Variants in PTPRD observed in about 807,000 individuals in gnomAD.
The protein encoded by PTPRD is protein tyrosine phosphatase receptor type D.
A neutral mutation model predicts 214.5 loss-of-function variants in PTPRD; 34 were observed. The observed-to-expected ratio is 0.16, with a 90% CI of 0.12 to 0.21. The LOEUF (loss-of-function observed/expected upper bound fraction) is 0.21. Ranked by LOEUF, PTPRD falls within the 10% of genes least tolerant of loss-of-function variation. PTPRD has a pLI of 1.00. For synonymous variants in PTPRD, 1,128 were observed against 845.7 expected (o/e 1.33, Z -5.79); for missense variants, 2,545 against 2,398.7 (o/e 1.06, Z -1.27).
At chr9:10,252,002 A>G (rs565626828) in intron 3 of PTPRD, among the ~76,000 whole-genome samples, 1 of 152,318 alleles carries the variant, frequency 6.6e-6, no homozygotes, top group East Asian at 1.9e-4. Context: ...ACCACAAAAA[A>G]TAGTAAGTGT....
intron 8 of PTPRD, among the ~76,000 whole-genome samples, chr9:9,436,169 C>A (rs1167195352): frequency 6.6e-6 from 1 of 152,146 alleles, no homozygotes; most frequent in Non-Finnish European, 1.5e-5. Flanking sequence ...TTCTTCTATT[C>A]TTTGGGTGAA....
At chr9:10,196,865 G>A (rs1268175404) in intron 3 of PTPRD, among the ~76,000 whole-genome samples, 2 of 152,036 alleles carry the variant, frequency 1.3e-5, no homozygotes, top group Non-Finnish European at 1.5e-5. Context: ...ACTATGAATA[G>A]GACTAGTGTT....
intron 39 of PTPRD, among the ~76,000 whole-genome samples, chr9:8,370,930 C>T (rs902439026): frequency 1.3e-5 from 2 of 152,236 alleles, no homozygotes; most frequent in South Asian, 2.1e-4. Context: ...ACTAAAATTA[C>T]TCCTTGTAAA....
intron 3 of PTPRD, among the ~76,000 whole-genome samples, chr9:10,174,432 GC>G (rs1342672126): frequency 3.3e-5 from 5 of 152,080 alleles, no homozygotes; most frequent in Admixed American, 3.3e-4. Flanking sequence ...GGAAAATGAG[GC>G]CCTCAACAGA....
chr9:8,979,608 T>A (rs1202370490), intron 11 of PTPRD, among the ~76,000 whole-genome samples: 1 of 152,066 alleles, frequency 6.6e-6, no homozygotes, highest in Non-Finnish European at 1.5e-5. Context: ...AAAGGAGACA[T>A]AAAACTGGCC....
Position 10,031,647 on chromosome 9 carries a change from T to TATATACACACACACAC in PTPRD, c.-472+2070_-472+2071insGTGTGTGTGTGTATAT. On this transcript the variant is annotated intron_variant, in intron 4 of 45. Transcript: ENST00000381196. ...CTCCATATATATATATATATATATATACACACACACACACACACATACACA... is the reference window on the plus strand; with the variant it reads ...CTCCATATATATATATATATATATATATATACACACACACACACACACACACACACACACATACACA... Among the ~76,000 whole-genome samples, 383 of 89,602 alleles carry TATATACACACACACAC rather than the reference T, an allele frequency of 4.3e-3. 17 individuals are homozygous for TATATACACACACACAC. The highest frequency in any genetic ancestry group is 0.028 in the African/African-American group (348 of 12,362). 58.8% of individuals were successfully genotyped at this position (89,602 alleles called of 152,430 possible). A position where few individuals can be genotyped will look rare whatever the true frequency, so the allele number is the denominator to read the frequency against.
rs112288735 is a variant in PTPRD, at chr9:8,704,636, G to T, written c.64+29144C>A. ...AAACAGAATATGGAAGCTTAAGACAGGTAAAATACCCGAGGAGCCTATCAC... is the reference window on the plus strand; with the variant it reads ...AAACAGAATATGGAAGCTTAAGACATGTAAAATACCCGAGGAGCCTATCAC... On this transcript the variant is annotated intron_variant, in intron 12 of 45. Transcript: ENST00000381196. Among the ~76,000 whole-genome samples the T allele has an allele frequency of 9.1e-3, 1,391 of 152,124 alleles. 10 individuals carry two copies. The highest frequency in any genetic ancestry group is 0.022 in the African/African-American group (905 of 41,496).
intron 4 of PTPRD, among the ~76,000 whole-genome samples, chr9:9,951,451 T>C (rs1402696229): frequency 1.3e-5 from 2 of 152,102 alleles, no homozygotes; most frequent in Non-Finnish European, 2.9e-5. Flanking sequence ...GAAACAAAAT[T>C]CATGAGAAAC....
intron 10 of PTPRD, among the ~76,000 whole-genome samples, chr9:9,051,292 G>A (rs1181152678): frequency 1.3e-5 from 2 of 152,130 alleles, no homozygotes; most frequent in Non-Finnish European, 2.9e-5. Flanking sequence ...TTTTAAACCT[G>A]AAGGTGGTTA....
At chr9:10,017,750 A>G (rs117028699) in intron 4 of PTPRD, among the ~76,000 whole-genome samples, 4,346 of 152,202 alleles carry the variant, frequency 0.029, 124 homozygotes, top group Admixed American at 0.089. Context: ...TACTAAACCA[A>G]TGACACATTT....
intron 11 of PTPRD, among the ~76,000 whole-genome samples, chr9:8,781,387 T>C (rs2095689642): frequency 6.6e-6 from 1 of 152,016 alleles, no homozygotes; most frequent in Admixed American, 6.6e-5. Context: ...CCAAGGAAAA[T>C]ACCCTTAGGA....
chr9:9,068,919 T>A (rs1043015174), intron 10 of PTPRD, among the ~76,000 whole-genome samples: 1 of 152,170 alleles, frequency 6.6e-6, no homozygotes, highest in Non-Finnish European at 1.5e-5. Context: ...CTACAAAAAT[T>A]TCTTTATGGG....
chr9:9,870,310 C>T (rs111812454), intron 5 of PTPRD, among the ~76,000 whole-genome samples: 1 of 152,036 alleles, frequency 6.6e-6, no homozygotes, highest in African/African-American at 2.4e-5. Context: ...TATCATTCTT[C>T]TTCAAAATCT....
chr9:10,292,166 G>T (rs1290305527), intron 3 of PTPRD, among the ~76,000 whole-genome samples: 1 of 151,970 alleles, frequency 6.6e-6, no homozygotes, highest in African/African-American at 2.4e-5. Context: ...ATAAAAGACA[G>T]CACATTTTCA....
intron 11 of PTPRD, among the ~76,000 whole-genome samples, chr9:8,883,830 G>T (rs117140057): frequency 6.6e-6 from 1 of 152,036 alleles, no homozygotes; most frequent in Non-Finnish European, 1.5e-5. Flanking sequence ...TTCTGGAGCC[G>T]GTCCAGTAAT....
At chr9:8,480,499 T>C (rs982583330) in intron 30 of PTPRD, among the ~76,000 whole-genome samples, 9 of 152,152 alleles carry the variant, frequency 5.9e-5, no homozygotes, top group African/African-American at 1.9e-4. Context: ...ATGAGAACAA[T>C]GAGAAAGGAC....
intron 35 of PTPRD, among the ~76,000 whole-genome samples, chr9:8,415,550 T>C (rs990037501): frequency 7.2e-6 from 1 of 139,074 alleles, no homozygotes; most frequent in African/African-American, 2.6e-5. Context: ...TTTTTAATGC[T>C]TTGGAAGTAA....
chr9:8,954,861 A>G (rs1431714793), intron 11 of PTPRD, among the ~76,000 whole-genome samples: 1 of 151,920 alleles, frequency 6.6e-6, no homozygotes, highest in African/African-American at 2.4e-5. Context: ...ATTGAAAATA[A>G]TCTGTGCAAA....
In PTPRD at chr9:8,524,967, C is replaced by T. The variant is rs2139188549; in HGVS notation, c.637G>A (p.Ala213Thr). Residue 213 changes from alanine (A) to threonine (T), a missense_variant, in exon 18 of 46, where the codon GCG becomes ACG. Physicochemically the swap from Ala to Thr is moderately conservative, Grantham distance 58 (BLOSUM62 0). Coordinates refer to ENST00000381196, the MANE Select transcript of PTPRD (RefSeq NM_002839.4). ...GKYECVATNS[A>T]GTRYSAPANL... ...GCAGGAGCGGAATAGCGAGTGCCCG[C>T]GCTGTTGGTGGCAACACACTCATAT... 6.2e-7 allele frequency: 1 copy of T among 1,613,668 alleles called. No individual in the cohort carries two copies. The highest frequency in any genetic ancestry group is 1.1e-5 in the South Asian group (1 of 91,078).
Sources: gnomAD v4.1 joint callset for allele counts (sites outside exome capture counted in the v4.1 genomes callset) on GRCh38, gnomAD v4.1.1 for gene constraint, MANE v1.5 for transcripts, NCBI Gene and HGNC (gene_info 2026-07-23, HGNC 2026-07-21) for gene names.